HSPG2: variants seen among roughly 807,000 people sequenced by gnomAD.
HSPG2 encodes basement membrane-specific heparan sulfate proteoglycan core protein.
HSPG2 carries 278 observed loss-of-function variants against 526.6 expected under a neutral mutation model. The ratio of observed to expected loss-of-function variants is 0.53; its 90% CI spans 0.48 to 0.58. HSPG2 has a LOEUF of 0.58. HSPG2 is among the 20% of genes least tolerant of loss of function. The probability of loss-of-function intolerance (pLI) is 0.00; values close to 1 mark genes in which losing one functional copy is unlikely to be tolerated. For missense variants in HSPG2, 5,354 were observed against 6,099.5 expected (o/e 0.88, Z 4.07); for synonymous variants, 2,465 against 2,555.4 (o/e 0.96, Z 1.07).
In HSPG2 at chr1:21,838,922, G is replaced by C; in HGVS notation, c.10053C>G (p.His3351Gln). The part of the protein sequence containing the change: ...GRATARNELL[H>Q]FERAAPEDSG... ...AGTCCTCAGGGGCTGCACGCTCAAA[G>C]TGCAGCAGCTCGTTCCTGGCGGTCG... The change falls in exon 74 of 97, where the codon CAC (histidine) becomes CAG (glutamine). Residue 3351 changes from histidine (H) to glutamine (Q), a missense_variant. Physicochemically the swap from His to Gln is conservative, Grantham distance 24 (BLOSUM62 0). Transcript: ENST00000374695. The C allele has an allele frequency of 6.2e-7, 1 of 1,612,028 alleles. No homozygotes were observed. The highest frequency in any genetic ancestry group is 8.5e-7 in the Non-Finnish European group (1 of 1,179,036).
intron 18 of HSPG2, 79 bp downstream of exon 18, chr1:21,878,915 T>G (rs2454294): frequency 6.5e-7 from 1 of 1,529,744 alleles, no homozygotes; most frequent in Non-Finnish European, 8.9e-7. Context: ...CCAAGTCTCC[T>G]GCCTCCCTGC....
Position 21,875,997 on chromosome 1 carries a change from A to G in HSPG2, c.3049T>C (p.Ser1017Pro), listed in dbSNP as rs1641034098. 6.2e-7 allele frequency: 1 copy of G among 1,614,024 alleles called. No homozygotes were observed. Among genetic ancestry groups the G allele is most frequent in the Non-Finnish European group, 8.5e-7 (1 of 1,179,996 alleles). Residue 1017 changes from serine (S) to proline (P), a missense_variant, in exon 24 of 97, where the codon TCC becomes CCC. Physicochemically the swap from Ser to Pro is moderately conservative, Grantham distance 74 (BLOSUM62 -1). Transcript: ENST00000374695. The stretch of plus-strand genomic sequence containing the variant: ...TGCAGGGGTGTGGAGCCCGGCTGGG[A>G]CCTCTGGGTCACTGTGAAGCGCAGC... Reference protein sequence around the residue: ...GELRFTVTQRSQPGSTPLHGQ... With the variant: ...GELRFTVTQRPQPGSTPLHGQ...
chr1:21,884,372 C>T (rs1233679388), intron 13 of HSPG2, among the ~76,000 whole-genome samples, 156 bp downstream of exon 13: 1 of 152,138 alleles, frequency 6.6e-6, no homozygotes, highest in East Asian at 1.9e-4. Flanking sequence ...GGTTTTCCCC[C>T]CGAAATGCTT....
intron 1 of HSPG2, among the ~76,000 whole-genome samples, chr1:21,902,684 T>C (rs1003427471): frequency 4.6e-5 from 7 of 152,104 alleles, no homozygotes; most frequent in African/African-American, 1.4e-4. Flanking sequence ...TAAGCTCATA[T>C]CAAGGCCTGC....
At chr1:21,825,067 C>A (rs942908648) in intron 91 of HSPG2, 6 of 479,556 alleles carry the variant, frequency 1.3e-5, no homozygotes, top group Non-Finnish European at 2.3e-5. Context: ...AACTTTGTTA[C>A]TAGTATTTGC....
At chr1:21,871,827 G>A (rs1439262164) in intron 33 of HSPG2, among the ~76,000 whole-genome samples, 2 of 152,228 alleles carry the variant, frequency 1.3e-5, no homozygotes, top group African/African-American at 4.8e-5. Flanking sequence ...TGAAGTCGGA[G>A]CGGGCACGTG....
Position 21,895,007 on chromosome 1 carries a change from G to A in HSPG2, c.244+915C>T, listed in dbSNP as rs1642648675. Among the ~76,000 whole-genome samples the A allele has an allele frequency of 6.6e-6, 1 of 152,236 alleles. No individual in the cohort carries two copies. The highest frequency in any genetic ancestry group is 1.5e-5 in the Non-Finnish European group (1 of 68,022). On this transcript the variant is annotated intron_variant, in intron 3 of 96. Transcript: ENST00000374695. This position sits in a 1 kb window ranked among gnomAD's most constrained non-coding sequence, Gnocchi z 4.1. ...CTGTCTACACTGACCCAGTTAGGAT[G>A]CTACCCACTGGCATTTGAAGGCCCC...
At chr1:21,910,008 C>G (rs980580246) in intron 1 of HSPG2, among the ~76,000 whole-genome samples, 2 of 152,354 alleles carry the variant, frequency 1.3e-5, no homozygotes, top group African/African-American at 2.4e-5. Context: ...ACAAAGCAGG[C>G]CTTCCTGCCT....
rs1047353104 is a variant in HSPG2 at position 21,848,814 on chromosome 1, G to A, written c.7586-20C>T. Reference sequence around the variant, plus strand: ...CCTGGGCTGGGAGGGTGAGATGTAAGGCAGGGTGTGGGAGCTGCTGAGGGT... The same window carrying A: ...CCTGGGCTGGGAGGGTGAGATGTAAAGCAGGGTGTGGGAGCTGCTGAGGGT... On this transcript the variant is annotated intron_variant, in intron 58 of 96. Transcript: ENST00000374695. The surrounding 1 kb of genome is among the most constrained non-coding windows in gnomAD (Gnocchi z 4.9). 4.3e-6 allele frequency: 7 copies of A among 1,613,338 alleles called. No homozygotes were observed. In the African/African-American group the frequency reaches 9.3e-5, roughly 22 times the overall value.
rs762714011 is a variant in HSPG2 at position 21,847,920 on chromosome 1, C to T, written c.7873+38G>A. On this transcript the variant is annotated intron_variant, in intron 60 of 96. Transcript: ENST00000374695. This position sits in a 1 kb window ranked among gnomAD's most constrained non-coding sequence, Gnocchi z 4.1. Reference sequence around the variant, plus strand: ...CCGGGGACCTCTCTGCCACCCTCTGCGCCACTTGTCTGTACCCCCTGCCCT... The same window carrying T: ...CCGGGGACCTCTCTGCCACCCTCTGTGCCACTTGTCTGTACCCCCTGCCCT... 66 of 1,613,646 alleles carry T rather than the reference C, an allele frequency of 4.1e-5. No individual in the cohort carries two copies. Among genetic ancestry groups the T allele is most frequent in the East Asian group, 8.9e-5 (4 of 44,880 alleles).
intron 91 of HSPG2, 86 bp downstream of exon 91, chr1:21,827,777 T>G (rs908055150): frequency 7.3e-7 from 1 of 1,373,348 alleles, no homozygotes; most frequent in Non-Finnish European, 1.0e-6. Context: ...AAAGCTGTTT[T>G]GCTTGCAGGC....
At chr1:21,926,651 C>A (rs552899709) in intron 1 of HSPG2, among the ~76,000 whole-genome samples, 1 of 150,766 alleles carries the variant, frequency 6.6e-6, no homozygotes, top group Admixed American at 6.7e-5. Context: ...TCCCTGCTAC[C>A]AGGGAGGCTG....
Position 21,824,382 on chromosome 1 carries a change from A to G in HSPG2, c.12745-6T>C. ...TGGCCGGCCTCTCCCACCTCCTGCC[A>G]GGGAAGCACAGGGTCTCTGGGGTCC... On this transcript the variant is annotated splice_polypyrimidine_tract_variant and splice_region_variant and intron_variant, in intron 93 of 96. Coordinates refer to ENST00000374695, the MANE Select transcript of HSPG2 (RefSeq NM_005529.7). The surrounding 1 kb of genome is among the most constrained non-coding windows in gnomAD (Gnocchi z 5.9). The G allele has an allele frequency of 1.2e-6, 2 of 1,613,714 alleles. No homozygotes were observed. Among genetic ancestry groups the G allele is most frequent in the South Asian group, 1.1e-5 (1 of 91,088 alleles).
chr1:21,871,738 T>C (rs1490955340), intron 33 of HSPG2, among the ~76,000 whole-genome samples: 2 of 152,140 alleles, frequency 1.3e-5, no homozygotes, highest in Non-Finnish European at 2.9e-5. Context: ...GCCTAGCACA[T>C]AGTGAGAGCT....
At chr1:21,874,318 C>T in intron 28 of HSPG2, 88 bp downstream of exon 28, 1 of 1,549,952 alleles carries the variant, frequency 6.5e-7, no homozygotes, top group Non-Finnish European at 8.8e-7. Context: ...TAACCACTGC[C>T]TCTCAGAAGG....
chr1:21,876,987 A>G (rs968847122), intron 21 of HSPG2, among the ~76,000 whole-genome samples: 42 of 136,656 alleles, frequency 3.1e-4, no homozygotes, highest in African/African-American at 1.1e-3. Flanking sequence ...TGAAACCGGG[A>G]GGTGGAGGTT....
At position 21,893,409 on chromosome 1, in the gene HSPG2, C is replaced by T. The variant is rs1412237138; in HGVS notation, c.244+2513G>A. Among the ~76,000 whole-genome samples, 2 of 152,230 alleles carry T rather than the reference C, an allele frequency of 1.3e-5. No homozygotes were observed. The highest frequency in any genetic ancestry group is 2.4e-5 in the African/African-American group (1 of 41,460). On this transcript the variant is annotated intron_variant, in intron 3 of 96. Transcript: ENST00000374695. The surrounding 1 kb of genome is among the most constrained non-coding windows in gnomAD (Gnocchi z 4.3). Reference sequence around the variant, plus strand: ...GTCCTGGGCAGGGGCAGTGGCTGGCCTAGCCCCTGGACTCTGCAGGGAGGT... The same window carrying T: ...GTCCTGGGCAGGGGCAGTGGCTGGCTTAGCCCCTGGACTCTGCAGGGAGGT...
intron 40 of HSPG2, 43 bp downstream of exon 40, chr1:21,860,134 T>C (rs1274546751): frequency 4.3e-6 from 7 of 1,611,338 alleles, no homozygotes; most frequent in Non-Finnish European, 5.9e-6. Flanking sequence ...CAGGGCTCCC[T>C]GCCTTGCCCA....
chr1:21,865,629 G>T lies in HSPG2; in HGVS notation c.4314+88C>A. On this transcript the variant is annotated intron_variant, in intron 34 of 96. Transcript: ENST00000374695. The surrounding 1 kb of genome is among the most constrained non-coding windows in gnomAD (Gnocchi z 5.4). Reference sequence around the variant, plus strand: ...GCCTGTGCCAGAAAACTGAGTGCTGGATGGAAAGGACAAAGGACAAATGCC... The same window carrying T: ...GCCTGTGCCAGAAAACTGAGTGCTGTATGGAAAGGACAAAGGACAAATGCC... The T allele has an allele frequency of 8.7e-7, 1 of 1,154,952 alleles. No individual in the cohort carries two copies. The highest frequency in any genetic ancestry group is 1.3e-6 in the Non-Finnish European group (1 of 763,982). The allele number at this position is 1,154,952 out of a possible 1,614,324, so 71.5% of individuals were successfully genotyped here.
Sources: gnomAD v4.1 joint callset for allele counts (sites outside exome capture counted in the v4.1 genomes callset) on GRCh38, gnomAD v4.1.1 for gene constraint, Gnocchi (gnomAD v3.1) non-coding constraint, MANE v1.5 for transcripts, NCBI Gene and HGNC (gene_info 2026-07-23, HGNC 2026-07-21) for gene names.